Variants in PSD3 observed in about 807,000 individuals in gnomAD.
The protein encoded by PSD3 is PH and SEC7 domain-containing protein 3.
A neutral mutation model predicts 105.5 loss-of-function variants in PSD3; 49 were observed. That is an observed-to-expected ratio of 0.46 (90% CI 0.37 to 0.59). The LOEUF (loss-of-function observed/expected upper bound fraction) is 0.59, where lower values mean the gene tolerates loss of function less well. Ranked by LOEUF, PSD3 falls within the 20% of genes least tolerant of loss-of-function variation. The pLI, the probability that PSD3 is intolerant of heterozygous loss-of-function variation, is 0.00. For synonymous variants in PSD3, 557 were observed against 457.8 expected (o/e 1.22, Z -2.77); for missense variants, 1,561 against 1,263.8 (o/e 1.24, Z -3.57).
At chr8:18,825,421 A>G (rs891493283) in intron 4 of PSD3, among the ~76,000 whole-genome samples, 1 of 152,182 alleles carries the variant, frequency 6.6e-6, no homozygotes, top group South Asian at 2.1e-4. Flanking sequence ...ACCCGGTTTG[A>G]GAATCACAAA....
chr8:18,813,280 C>T (rs189715773), intron 4 of PSD3, among the ~76,000 whole-genome samples: 3 of 152,178 alleles, frequency 2.0e-5, no homozygotes, highest in Admixed American at 2.0e-4. Flanking sequence ...AGTGTGCACA[C>T]ATGGAAAGAA....
rs538480359 is a variant in PSD3, at chr8:18,793,470, A to C, written c.2082+5825T>G. ...TGTAACAAACCTGCACATCCTGCAC[A>C]TAGACCCCTGACCTTAAAGTTAGAA... On this transcript the variant is annotated intron_variant, in intron 8 of 15. Transcript: ENST00000327040. Among the ~76,000 whole-genome samples, 355 of 152,264 alleles carry C rather than the reference A, an allele frequency of 2.3e-3. 1 individual carries two copies. The highest frequency in any genetic ancestry group is 8.4e-3 in the African/African-American group (350 of 41,558).
intron 8 of PSD3, among the ~76,000 whole-genome samples, chr8:18,770,794 CT>C (rs1282485688): frequency 6.6e-6 from 1 of 152,230 alleles, no homozygotes; most frequent in Non-Finnish European, 1.5e-5. Context: ...AGATGGCTGC[CT>C]TCTGCCAGCA....
intron 9 of PSD3, among the ~76,000 whole-genome samples, chr8:18,661,345 A>G (rs2130874066): frequency 6.6e-6 from 1 of 152,334 alleles, no homozygotes. Flanking sequence ...TCATGCAGAT[A>G]CTTAGATCAA....
intron 9 of PSD3, among the ~76,000 whole-genome samples, chr8:18,692,600 G>A (rs562942152): frequency 1.1e-4 from 16 of 151,972 alleles, no homozygotes; most frequent in Non-Finnish European, 2.2e-4. Context: ...GATGATGAGA[G>A]GCTTTTTTAA....
At chr8:18,841,851 G>T (rs142009971) in intron 4 of PSD3, among the ~76,000 whole-genome samples, 3 of 152,092 alleles carry the variant, frequency 2.0e-5, no homozygotes, top group Non-Finnish European at 4.4e-5. Flanking sequence ...ACATTAGCTA[G>T]TAAAGAGACC....
At chr8:18,868,708 G>T (rs1007298504) in intron 3 of PSD3, among the ~76,000 whole-genome samples, 8 of 152,140 alleles carry the variant, frequency 5.3e-5, no homozygotes, top group Non-Finnish European at 1.0e-4. Flanking sequence ...CAACATACAG[G>T]GTAGGGCATT....
rs200410371 is a variant in PSD3 at position 18,653,565 on chromosome 8, GA to G, written c.2216+2076del. On this transcript the variant is annotated intron_variant, in intron 10 of 15. Coordinates refer to ENST00000327040, the MANE Select transcript of PSD3 (RefSeq NM_015310.4). ...TTGGTCAGTGAACCAGCTACTACAT[GA>G]AAAAGCTGTAATTCACACCAAAATT... is the stretch of plus-strand genomic sequence containing the variant. Among the ~76,000 whole-genome samples the G allele has an allele frequency of 3.6e-3, 542 of 152,210 alleles. 1 individual carries two copies. The highest frequency in any genetic ancestry group is 0.012 in the African/African-American group (501 of 41,548).
chr8:18,907,627 T>G (rs899622984), intron 2 of PSD3, among the ~76,000 whole-genome samples: 1 of 152,234 alleles, frequency 6.6e-6, no homozygotes, highest in Non-Finnish European at 1.5e-5. Context: ...AGCTATACCA[T>G]ATAGCCTAGG....
At chr8:18,962,180 A>C (rs1823968193) in intron 1 of PSD3, among the ~76,000 whole-genome samples, 1 of 152,050 alleles carries the variant, frequency 6.6e-6, no homozygotes, top group African/African-American at 2.4e-5. Context: ...TGGGAGGCGG[A>C]GGTTGCAGTG....
Position 18,872,087 on chromosome 8 carries a change from G to A in PSD3, c.777C>T (p.Thr259=). The change falls in exon 3 of 16, where the codon ACC becomes ACT. Residue 259 remains threonine (T), a synonymous_variant. Transcript: ENST00000327040. ...AACCAACACTGCCTGCAGAGTGGCA[G>A]GTCACTGCTGAGCTCCCGAGGGAGG... is the stretch of plus-strand genomic sequence containing the variant. ...PLASLGSSAV[T]CHSAGSVGFL... 1.2e-6 allele frequency: 2 copies of A among 1,614,150 alleles called. No individual in the cohort carries two copies. The highest frequency in any genetic ancestry group is 2.2e-5 in the South Asian group (2 of 91,078).
At chr8:18,779,079 G>GTT (rs2129445092) in intron 8 of PSD3, among the ~76,000 whole-genome samples, 1 of 152,086 alleles carries the variant, frequency 6.6e-6, no homozygotes, top group Non-Finnish European at 1.5e-5. Flanking sequence ...AAATCTCCTG[G>GTT]GCTCAAGCTT....
chr8:18,897,614 T>A (rs531602533), intron 2 of PSD3, among the ~76,000 whole-genome samples: 1 of 152,354 alleles, frequency 6.6e-6, no homozygotes, highest in South Asian at 2.1e-4. Context: ...TTTTACCATA[T>A]TAATTCTCCC....
At chr8:18,943,046 G>A (rs189558093) in intron 1 of PSD3, among the ~76,000 whole-genome samples, 5 of 152,276 alleles carry the variant, frequency 3.3e-5, no homozygotes, top group South Asian at 4.1e-4. Context: ...CAAAAACAGC[G>A]ATGTATAATA....
chr8:18,925,650 G>A (rs1443237136), intron 2 of PSD3, among the ~76,000 whole-genome samples: 1 of 152,138 alleles, frequency 6.6e-6, no homozygotes, highest in Non-Finnish European at 1.5e-5. Flanking sequence ...GAAAATGTGT[G>A]ATGGGTTTAT....
intron 1 of PSD3, among the ~76,000 whole-genome samples, chr8:19,051,406 T>G (rs1828525008): frequency 1.3e-5 from 2 of 152,200 alleles, no homozygotes; most frequent in South Asian, 4.1e-4. Context: ...TATCAAAACT[T>G]GTCATCTTTA....
chr8:18,704,244 C>G (rs1006289849), intron 9 of PSD3, among the ~76,000 whole-genome samples: 1 of 152,164 alleles, frequency 6.6e-6, no homozygotes. Flanking sequence ...ATTTTTCTTA[C>G]TAGACTCTAA....
At chr8:18,838,431 T>C (rs1429540779) in intron 4 of PSD3, among the ~76,000 whole-genome samples, 2 of 152,184 alleles carry the variant, frequency 1.3e-5, no homozygotes, top group African/African-American at 4.8e-5. Flanking sequence ...ATTCAGTAAA[T>C]GTATCCTGTC....
chr8:18,854,334 C>A (rs1815832340), intron 4 of PSD3: 1 of 152,606 alleles, frequency 6.6e-6, no homozygotes, highest in Admixed American at 6.5e-5. Flanking sequence ...AGGAGGACGT[C>A]CCCCTCTTCC....
Sources: allele counts gnomAD v4.1 joint callset (sites outside exome capture counted in the v4.1 genomes callset), GRCh38; gene constraint gnomAD v4.1.1; transcripts MANE v1.5; gene names NCBI Gene and HGNC (gene_info 2026-07-23, HGNC 2026-07-21).